ARL15: variants seen among roughly 807,000 people sequenced by gnomAD.
ARL15 encodes ARF like GTPase 15, also known as ADP-ribosylation factor-like protein 15.
A neutral mutation model predicts 25.2 loss-of-function variants in ARL15; 19 were observed. That is an observed-to-expected ratio of 0.75 (90% confidence interval 0.53 to 1.10). The LOEUF (loss-of-function observed/expected upper bound fraction) is 1.10. ARL15 is among the 50% of genes least tolerant of loss of function. The pLI is 0.00. For missense variants in ARL15, 220 were observed against 246.0 expected (o/e 0.89, Z 0.71); for synonymous variants, 94 against 86.8 (o/e 1.08, Z -0.46).
At chr5:54,208,134 C>T (rs769088466) in intron 1 of ARL15, among the ~76,000 whole-genome samples, 1 of 151,900 alleles carries the variant, frequency 6.6e-6, no homozygotes, top group Non-Finnish European at 1.5e-5. Context: ...AGAGAGAAAA[C>T]CTAAAGATAT....
At chr5:54,056,698 T>A (rs1470261763) in intron 4 of ARL15, among the ~76,000 whole-genome samples, 1 of 150,948 alleles carries the variant, frequency 6.6e-6, no homozygotes, top group Non-Finnish European at 1.5e-5. Context: ...CTCGTGGGGT[T>A]GGGGGGATGC....
intron 4 of ARL15, among the ~76,000 whole-genome samples, chr5:54,044,299 A>G (rs1028380492): frequency 5.5e-5 from 8 of 145,262 alleles, no homozygotes; most frequent in Admixed American, 7.0e-5. Context: ...GCTGGAGTGC[A>G]ATGGTGCGAT....
intron 1 of ARL15, among the ~76,000 whole-genome samples, chr5:54,306,123 G>A (rs997387933): frequency 6.6e-6 from 1 of 152,112 alleles, no homozygotes; most frequent in Non-Finnish European, 1.5e-5. Context: ...ACAGCTGAGG[G>A]TTCATCCCGC....
At chr5:54,013,537 G>T (rs1413766648) in intron 4 of ARL15, among the ~76,000 whole-genome samples, 7 of 152,176 alleles carry the variant, frequency 4.6e-5, no homozygotes, top group Admixed American at 2.0e-4. Context: ...TAGAATTATG[G>T]GAAGGGCCTG....
At chr5:54,197,403 T>C (rs2112472364) in intron 1 of ARL15, among the ~76,000 whole-genome samples, 1 of 152,288 alleles carries the variant, frequency 6.6e-6, no homozygotes, top group East Asian at 1.9e-4. Context: ...ATGCCCCTAC[T>C]TCATGATCAC....
chr5:54,110,900 T>G (rs1752720141), intron 4 of ARL15, among the ~76,000 whole-genome samples: 1 of 152,034 alleles, frequency 6.6e-6, no homozygotes, highest in African/African-American at 2.4e-5. Context: ...CTTAAAACAT[T>G]CCTGAGAGCA....
chr5:54,065,311 C>G (rs926619046), intron 4 of ARL15, among the ~76,000 whole-genome samples: 1 of 152,116 alleles, frequency 6.6e-6, no homozygotes, highest in African/African-American at 2.4e-5. Flanking sequence ...GCTATGCTAG[C>G]AAATATAATA....
intron 1 of ARL15, among the ~76,000 whole-genome samples, chr5:54,185,266 C>T (rs189607007): frequency 2.0e-5 from 3 of 152,324 alleles, no homozygotes; most frequent in Admixed American, 2.0e-4. Flanking sequence ...TCTGCCTACA[C>T]ATCCTTCCTC....
At chr5:54,228,818 A>G (rs1756593810) in intron 1 of ARL15, among the ~76,000 whole-genome samples, 2 of 152,128 alleles carry the variant, frequency 1.3e-5, no homozygotes, top group South Asian at 4.1e-4. Context: ...TACTTAAGAG[A>G]TCTGTTTTCC....
Position 54,147,249 on chromosome 5 carries a change from C to T in ARL15, c.253+7331G>A, listed in dbSNP as rs1473900933. 5.9e-5 allele frequency among the ~76,000 whole-genome samples: 9 copies of T among 152,098 alleles called. No individual in the cohort carries two copies. The South Asian group carries it at 1.5e-3, about 25-fold the overall frequency. On this transcript the variant is annotated intron_variant, in intron 3 of 4. Coordinates refer to ENST00000504924, the MANE Select transcript of ARL15 (RefSeq NM_019087.3). Reference sequence around the variant, plus strand: ...GAAACAATATTATATCAAGAAGTTGCGGTCATTCAGTATTACATATCACAC... The same window carrying T: ...GAAACAATATTATATCAAGAAGTTGTGGTCATTCAGTATTACATATCACAC...
At chr5:54,037,532 A>C (rs1750208470) in intron 4 of ARL15, among the ~76,000 whole-genome samples, 1 of 152,226 alleles carries the variant, frequency 6.6e-6, no homozygotes, top group East Asian at 1.9e-4. Flanking sequence ...AGCTAGAAAA[A>C]GTTTACGTGA....
intron 4 of ARL15, among the ~76,000 whole-genome samples, chr5:53,930,538 AT>A (rs1746165079): frequency 6.6e-6 from 1 of 152,190 alleles, no homozygotes; most frequent in Non-Finnish European, 1.5e-5. Flanking sequence ...TAAGAGATAT[AT>A]TTGTTAGAAA....
At chr5:54,084,836 A>G (rs941046497) in intron 4 of ARL15, among the ~76,000 whole-genome samples, 12 of 152,202 alleles carry the variant, frequency 7.9e-5, no homozygotes, top group Non-Finnish European at 4.4e-5. Context: ...GCAAATTCTT[A>G]GGGTGTAATG....
chr5:54,141,189 ATC>A (rs1479582892), intron 3 of ARL15, among the ~76,000 whole-genome samples: 1 of 152,158 alleles, frequency 6.6e-6, no homozygotes, highest in African/African-American at 2.4e-5. Context: ...AGACAGATCA[ATC>A]TGTCTTCTCT....
At chr5:54,016,200 G>A (rs751840781) in intron 4 of ARL15, among the ~76,000 whole-genome samples, 9 of 152,212 alleles carry the variant, frequency 5.9e-5, no homozygotes, top group Non-Finnish European at 1.2e-4. Flanking sequence ...AGAGGGTAGA[G>A]AGAAAGTTCT....
chr5:53,954,375 T>G (rs554565867), intron 4 of ARL15, among the ~76,000 whole-genome samples: 13 of 152,200 alleles, frequency 8.5e-5, no homozygotes, highest in African/African-American at 3.1e-4. Context: ...TTCTCATTAT[T>G]TGGAGGTGAT....
intron 1 of ARL15, among the ~76,000 whole-genome samples, chr5:54,261,125 T>G (rs1364254619): frequency 1.3e-5 from 2 of 152,186 alleles, no homozygotes; most frequent in Non-Finnish European, 2.9e-5. Context: ...ATGAGTTTCC[T>G]TGTAGACCCA....
At chr5:54,137,035 T>C (rs1372392974) in intron 3 of ARL15, among the ~76,000 whole-genome samples, 1 of 152,052 alleles carries the variant, frequency 6.6e-6, no homozygotes, top group Non-Finnish European at 1.5e-5. Flanking sequence ...GATTTAGAAC[T>C]GCAGTAGATA....
intron 3 of ARL15, among the ~76,000 whole-genome samples, chr5:54,124,344 C>T (rs1457986391): frequency 1.3e-5 from 2 of 152,166 alleles, no homozygotes; most frequent in African/African-American, 2.4e-5. Flanking sequence ...GCTTGTAATT[C>T]TGACATAGGA....
Sources: gnomAD v4.1 joint callset for allele counts (sites outside exome capture counted in the v4.1 genomes callset) on GRCh38, gnomAD v4.1.1 for gene constraint, MANE v1.5 for transcripts, NCBI Gene and HGNC (gene_info 2026-07-23, HGNC 2026-07-21) for gene names.